RNF150: variants seen among roughly 807,000 people sequenced by gnomAD.
The protein encoded by RNF150 is ring finger protein 150.
RNF150 carries 24 observed loss-of-function variants against 39.3 expected under a neutral mutation model. The observed-to-expected ratio is 0.61, with a 90% CI of 0.44 to 0.86. The LOEUF (loss-of-function observed/expected upper bound fraction) is 0.86. Ranked by LOEUF, RNF150 falls within the 40% of genes least tolerant of loss-of-function variation. RNF150 has a pLI of 0.00. For missense variants in RNF150, 502 were observed against 587.8 expected (o/e 0.85, Z 1.51); for synonymous variants, 255 against 227.3 (o/e 1.12, Z -1.10).
At chr4:140,871,652 A>T (rs2111184629) in intron 6 of RNF150, among the ~76,000 whole-genome samples, 1 of 152,310 alleles carries the variant, frequency 6.6e-6, no homozygotes, top group Middle Eastern at 3.4e-3. Flanking sequence ...AAAAAAAAAT[A>T]GCACAGATAA....
intron 1 of RNF150, among the ~76,000 whole-genome samples, chr4:141,194,360 C>T (rs1472066473): frequency 6.6e-6 from 1 of 152,118 alleles, no homozygotes; most frequent in African/African-American, 2.4e-5. Flanking sequence ...TATCTAGTTA[C>T]TTAGGCATTA....
chr4:141,030,281 C>A (rs377229319), intron 1 of RNF150, among the ~76,000 whole-genome samples: 11 of 148,054 alleles, frequency 7.4e-5, no homozygotes, highest in South Asian at 4.4e-4. Context: ...TAATGGCTAT[C>A]AAAAAAAAAA....
At chr4:141,186,574 AT>A (rs35383472) in intron 1 of RNF150, among the ~76,000 whole-genome samples, 54,092 of 144,132 alleles carry the variant, frequency 0.38, 11,924 homozygotes, top group Non-Finnish European at 0.5. Context: ...ATTTTTTTGT[AT>A]TTTTTTTTTT....
At chr4:140,910,743 A>G (rs1397852473) in intron 6 of RNF150, among the ~76,000 whole-genome samples, 3 of 152,182 alleles carry the variant, frequency 2.0e-5, no homozygotes, top group Non-Finnish European at 4.4e-5. Context: ...GAGCATGCGC[A>G]GGTGAGTGGG....
chr4:140,984,415 C>T (rs1454072921), intron 1 of RNF150, among the ~76,000 whole-genome samples: 6 of 152,064 alleles, frequency 3.9e-5, no homozygotes, highest in African/African-American at 9.7e-5. Context: ...TCTTTATTCT[C>T]TCTATCAGTA....
chr4:141,192,490 C>G (rs1728126585), intron 1 of RNF150, among the ~76,000 whole-genome samples: 1 of 151,964 alleles, frequency 6.6e-6, no homozygotes, highest in African/African-American at 2.4e-5. Context: ...AGGAAAACAG[C>G]TGGTAGGGGA....
In RNF150 at chr4:140,975,630, T is replaced by A. The variant is rs185181540; in HGVS notation, c.485-7757A>T. ...GGGATTCCTCTGTTGTTTTGATAAC[T>A]TCCTAATGAGCTCATGTTCCCCTGA... On this transcript the variant is annotated intron_variant, in intron 1 of 6. Coordinates refer to ENST00000515673, the MANE Select transcript of RNF150 (RefSeq NM_020724.2). Among the ~76,000 whole-genome samples the A allele has an allele frequency of 8.5e-5, 13 of 152,328 alleles. No individual in the cohort carries two copies. The East Asian group carries it at 2.3e-3, about 27-fold the overall frequency.
At chr4:141,148,802 T>C (rs1179896024) in intron 1 of RNF150, among the ~76,000 whole-genome samples, 1 of 152,164 alleles carries the variant, frequency 6.6e-6, no homozygotes, top group East Asian at 1.9e-4. Flanking sequence ...TAAAACTGTC[T>C]AATCCATTCC....
chr4:140,949,856 G>T (rs1732477572), intron 2 of RNF150, among the ~76,000 whole-genome samples: 1 of 152,088 alleles, frequency 6.6e-6, no homozygotes, highest in Non-Finnish European at 1.5e-5. Flanking sequence ...TTTAAATTTG[G>T]TCTGTTCTGT....
At chr4:141,134,227 T>C (rs114707340), upstream of RNF150, among the ~76,000 whole-genome samples, 1,235 of 152,260 alleles carry the variant, frequency 8.1e-3, 18 homozygotes, top group African/African-American at 0.028. Flanking sequence ...TCTCCAACTG[T>C]GCATAGAGAT....
At chr4:141,204,999 A>G (rs1160119409) in intron 1 of RNF150, among the ~76,000 whole-genome samples, 1 of 152,156 alleles carries the variant, frequency 6.6e-6, no homozygotes, top group East Asian at 1.9e-4. Context: ...AGCATAGTTA[A>G]CCCATTTGGG....
intron 1 of RNF150, among the ~76,000 whole-genome samples, chr4:141,171,366 A>ATTCTC (rs1455307211): frequency 1.3e-5 from 2 of 151,820 alleles, no homozygotes; most frequent in Non-Finnish European, 2.9e-5. Flanking sequence ...CCAATAGGGG[A>ATTCTC]TTCTCTTTAT....
At chr4:140,933,058 T>C (rs1433214642) in intron 4 of RNF150, among the ~76,000 whole-genome samples, 3 of 152,172 alleles carry the variant, frequency 2.0e-5, no homozygotes, top group African/African-American at 7.2e-5. Context: ...GTTGTAAGGG[T>C]TAAATGCTTG....
chr4:140,900,061 C>T (rs1730135163), intron 6 of RNF150, among the ~76,000 whole-genome samples: 1 of 150,686 alleles, frequency 6.6e-6, no homozygotes, highest in Non-Finnish European at 1.5e-5. Context: ...GCAGTTTCTG[C>T]CATGATGGCA....
intron 1 of RNF150, among the ~76,000 whole-genome samples, chr4:141,093,002 A>C (rs1361484984): frequency 6.6e-6 from 1 of 152,158 alleles, no homozygotes; most frequent in Non-Finnish European, 1.5e-5. Flanking sequence ...TACTACTCCT[A>C]GTGGCCTTGA....
chr4:140,863,610 G>A lies in RNF150; in HGVS notation c.*4651C>T, dbSNP rs1449456330. On this transcript the variant is annotated 3_prime_UTR_variant, in exon 7 of 7. Coordinates refer to ENST00000515673, the MANE Select transcript of RNF150 (RefSeq NM_020724.2). ...GAGAGAAAACAAATCAGAAAAAAAG[G>A]GGAAGAGAGAAGATGGGAAAATAAT... 1.5e-4 allele frequency: 23 copies of A among 152,158 alleles called. No individual in the cohort carries two copies. 9.4% of individuals were successfully genotyped at this position (152,158 alleles called of 1,614,324 possible).
rs1560679510 is a variant in RNF150, at chr4:141,000,072, A to AAGAAGAAGAAGAAGG, written c.485-32214_485-32200dup. 3.9e-4 allele frequency among the ~76,000 whole-genome samples: 33 copies of AAGAAGAAGAAGAAGG among 84,272 alleles called. 1 individual carries two copies. The highest frequency in any genetic ancestry group is 1.5e-3 in the African/African-American group (31 of 20,352). 55.3% of individuals were successfully genotyped at this position (84,272 alleles called of 152,430 possible). ...GAAGAAGAAGAAGAAGAAGAAGAAG[A>AAGAAGAAGAAGAAGG]AGAAGAAGAAGAAGGAGAAGAAGAA... On this transcript the variant is annotated intron_variant, in intron 1 of 6. Coordinates refer to ENST00000515673, the MANE Select transcript of RNF150 (RefSeq NM_020724.2).
intron 1 of RNF150, among the ~76,000 whole-genome samples, chr4:141,076,754 A>C (rs1306973777): frequency 1.3e-5 from 2 of 152,134 alleles, no homozygotes; most frequent in African/African-American, 2.4e-5. Flanking sequence ...TGCCTATACA[A>C]TGCAAATATT....
chr4:141,178,238 GTGTGTA>G, intron 1 of RNF150, among the ~76,000 whole-genome samples: 1 of 151,532 alleles, frequency 6.6e-6, no homozygotes, highest in Admixed American at 6.6e-5. Context: ...GAGTATGTGT[GTGTGTA>G]TGTGTGTGTG....
Sources: gnomAD v4.1 joint callset for allele counts (sites outside exome capture counted in the v4.1 genomes callset) on GRCh38, gnomAD v4.1.1 for gene constraint, MANE v1.5 for transcripts, NCBI Gene and HGNC (gene_info 2026-07-23, HGNC 2026-07-21) for gene names.